The following ZNF106 variants were observed in gnomAD, a reference collection of about 807,000 sequenced individuals.
ZNF106 encodes the protein zinc finger protein 106.
Under a neutral mutation model 195.1 loss-of-function variants are expected in ZNF106, and 67 were observed. The ratio of observed to expected loss-of-function variants is 0.34; its 90% CI spans 0.28 to 0.42. ZNF106 has a LOEUF of 0.42. ZNF106 is among the 10% of genes least tolerant of loss of function. The pLI, the probability that ZNF106 is intolerant of heterozygous loss-of-function variation, is 1.00. For missense variants in ZNF106, 2,118 were observed against 2,304.5 expected (o/e 0.92, Z 1.66); for synonymous variants, 784 against 818.6 (o/e 0.96, Z 0.72).
rs761497152 is a variant in ZNF106, at chr15:42,457,033, T to C, written c.242A>G (p.Lys81Arg). Reference sequence around the variant, plus strand: ...ATAATCTTCTTCCTCTTCCTCTCCTTTTCCATCATCTTCTCTTTCCTGGGC... The same window carrying C: ...ATAATCTTCTTCCTCTTCCTCTCCTCTTCCATCATCTTCTCTTTCCTGGGC... ...VDAQEREDDGKGEEEEEDYFD... is the reference protein window; with the variant it reads ...VDAQEREDDGRGEEEEEDYFD... Residue 81 changes from lysine to arginine, a missense_variant, in exon 4 of 22, where the codon AAA becomes AGA. Lys to Arg is a conservative substitution (Grantham distance 26, BLOSUM62 2). Coordinates refer to ENST00000564754, the MANE Select transcript of ZNF106 (RefSeq NM_001366845.3). 6.2e-7 allele frequency: 1 copy of C among 1,610,080 alleles called. No individual in the cohort carries two copies. The highest frequency in any genetic ancestry group is 1.3e-5 in the African/African-American group (1 of 74,868).
intron 14 of ZNF106, among the ~76,000 whole-genome samples, chr15:42,430,425 G>A (rs2055008699): frequency 6.6e-6 from 1 of 152,078 alleles, no homozygotes; most frequent in East Asian, 1.9e-4. Flanking sequence ...CTGCCTCCTG[G>A]CTAGAGTGCA....
chr15:42,462,469 G>A (rs1354314809), intron 3 of ZNF106, among the ~76,000 whole-genome samples: 3 of 152,034 alleles, frequency 2.0e-5, no homozygotes, highest in East Asian at 1.9e-4. Flanking sequence ...ATGGTTGCGC[G>A]TGCCTGTAAT....
In ZNF106 at chr15:42,427,661, A is replaced by G. The variant is rs142338615; in HGVS notation, c.4998+357T>C. The G allele has an allele frequency of 3.5e-3, 652 of 185,432 alleles. 3 individuals carry two copies. The highest frequency in any genetic ancestry group is 0.015 in the African/African-American group (627 of 43,228). The allele number at this position is 185,432 out of a possible 1,614,324, so 11.5% of individuals were successfully genotyped here. A position where few individuals can be genotyped will look rare whatever the true frequency, so the allele number is the denominator to read the frequency against. On this transcript the variant is annotated intron_variant, in intron 15 of 21. Coordinates refer to ENST00000564754, the MANE Select transcript of ZNF106 (RefSeq NM_001366845.3). Reference sequence around the variant, plus strand: ...GGACCATGCTAATCTTCTCTGTATCATTCCAATTTTAGTGTATGTGCTGTC... The same window carrying G: ...GGACCATGCTAATCTTCTCTGTATCGTTCCAATTTTAGTGTATGTGCTGTC...
chr15:42,460,259 T>C (rs753915317), intron 3 of ZNF106, among the ~76,000 whole-genome samples: 4 of 152,106 alleles, frequency 2.6e-5, no homozygotes, highest in Non-Finnish European at 5.9e-5. Flanking sequence ...AGAGAATCTG[T>C]CTAATGCTCA....
intron 8 of ZNF106, 55 bp downstream of exon 8, chr15:42,444,772 C>G (rs2055703650): frequency 6.3e-7 from 1 of 1,598,606 alleles, no homozygotes; most frequent in Non-Finnish European, 8.5e-7. Context: ...TTTGGCAGCA[C>G]AAAACAAGAT....
intron 20 of ZNF106, 49 bp from the exon 21 acceptor site, chr15:42,418,000 C>T (rs367918891): frequency 4.0e-5 from 64 of 1,588,952 alleles, no homozygotes; most frequent in Middle Eastern, 3.3e-4. Flanking sequence ...GTGCAGTGAA[C>T]GTGAATCAGA....
chr15:42,446,087 TATACTA>T (rs1250255225), intron 7 of ZNF106, among the ~76,000 whole-genome samples: 1 of 152,184 alleles, frequency 6.6e-6, no homozygotes, highest in African/African-American at 2.4e-5. Flanking sequence ...GTCCAAGTGG[TATACTA>T]ACCTTGGCTT....
At chr15:42,474,244 TGACA>T (rs2056739227) in intron 1 of ZNF106, among the ~76,000 whole-genome samples, 1 of 152,266 alleles carries the variant, frequency 6.6e-6, no homozygotes, top group African/African-American at 2.4e-5. Flanking sequence ...TTTTACTACC[TGACA>T]TAGTATGTAT....
rs548305109 is a variant in ZNF106, at chr15:42,446,219, G to C, written c.3205+370C>G. On this transcript the variant is annotated intron_variant, in intron 7 of 21. Transcript: ENST00000564754. ...CAAAAATGTCCAAAAAAAGTAAATG[G>C]ACAATCAGTGTTTGATAAATGACAA... Among the ~76,000 whole-genome samples, 3 of 152,250 alleles carry C rather than the reference G, an allele frequency of 2.0e-5. No individual in the cohort carries two copies. The Middle Eastern group carries it at 0.01, about 518-fold the overall frequency.
chr15:42,438,497 C>A (rs2055371328), intron 12 of ZNF106, 115 bp downstream of exon 12: 3 of 895,520 alleles, frequency 3.4e-6, no homozygotes, highest in South Asian at 1.7e-5. Flanking sequence ...TGGTGATAAA[C>A]CCCTCCCCAT....
intron 16 of ZNF106, 111 bp from the exon 17 acceptor site, chr15:42,424,171 C>T: frequency 2.3e-6 from 2 of 862,772 alleles, no homozygotes; most frequent in South Asian, 2.0e-5. Context: ...GAGATGAGCA[C>T]GATGAACTAG....
At chr15:42,462,968 T>G (rs79147188) in intron 3 of ZNF106, among the ~76,000 whole-genome samples, 7 of 62,862 alleles carry the variant, frequency 1.1e-4, no homozygotes, top group East Asian at 6.1e-4. Flanking sequence ...TTGTTTTTTG[T>G]TTTTTTTTTT....
Position 42,442,085 on chromosome 15 carries a change from G to A in ZNF106, c.3751C>T (p.Leu1251=), listed in dbSNP as rs376711955. The change falls in exon 10 of 22, where the codon CTG becomes TTG. Residue 1251 remains leucine (L), a synonymous_variant. Coordinates refer to ENST00000564754, the MANE Select transcript of ZNF106 (RefSeq NM_001366845.3). The part of the protein sequence containing the change: ...SSACNVSKEL[L]EANREISDSC... ...AAAGCTTACATACTATTAGCTTCCA[G>A]TAATTCCTTGGACACATTGCAGGCA... 19 of 1,609,678 alleles carry A rather than the reference G, an allele frequency of 1.2e-5. No individual in the cohort carries two copies. Among genetic ancestry groups the A allele is most frequent in the African/African-American group, 9.4e-5 (7 of 74,606 alleles).
chr15:42,428,155 T>C, intron 14 of ZNF106, 21 bp from the exon 15 acceptor site: 2 of 1,605,264 alleles, frequency 1.2e-6, no homozygotes, highest in South Asian at 2.2e-5. Context: ...CACACAACCT[T>C]TAATCAGCAG....
At chr15:42,448,758 G>T in intron 5 of ZNF106, 53 bp from the exon 6 acceptor site, 1 of 1,520,918 alleles carries the variant, frequency 6.6e-7, no homozygotes, top group Non-Finnish European at 8.7e-7. Flanking sequence ...TTGTTGGGAG[G>T]GGCATTATTT....
At chr15:42,452,550 A>G (rs1022939861) in intron 4 of ZNF106, among the ~76,000 whole-genome samples, 1 of 151,774 alleles carries the variant, frequency 6.6e-6, no homozygotes, top group Non-Finnish European at 1.5e-5. Flanking sequence ...TGGCACATTT[A>G]TATTCCCTCC....
Position 42,438,668 on chromosome 15 carries a change from C to T in ZNF106, c.4545-1G>A. The T allele has an allele frequency of 6.2e-7, 1 of 1,613,458 alleles. No individual in the cohort carries two copies. On this transcript the variant is annotated splice_acceptor_variant, in intron 11 of 21. Coordinates refer to ENST00000564754, the MANE Select transcript of ZNF106 (RefSeq NM_001366845.3). LOFTEE classifies it high-confidence loss of function. ...GATCACAGTCTGAGTTTCTGCCACA[C>T]TACAAAATAATAGCAAAAGTGTTCT...
At chr15:42,463,471 G>A (rs1365595873) in intron 3 of ZNF106, among the ~76,000 whole-genome samples, 1 of 152,106 alleles carries the variant, frequency 6.6e-6, no homozygotes, top group Non-Finnish European at 1.5e-5. Flanking sequence ...AGAGGTAGGA[G>A]GATCAGCTAG....
chr15:42,468,458 G>C (rs974895921), intron 2 of ZNF106, among the ~76,000 whole-genome samples: 1 of 152,002 alleles, frequency 6.6e-6, no homozygotes, highest in Non-Finnish European at 1.5e-5. Context: ...CATAAGGAGA[G>C]AGTAGGCCAG....
Sources: allele counts gnomAD v4.1 joint callset (sites outside exome capture counted in the v4.1 genomes callset), GRCh38; gene constraint gnomAD v4.1.1; transcripts MANE v1.5; gene names NCBI Gene and HGNC (gene_info 2026-07-23, HGNC 2026-07-21).